LOC122539214: variants seen among roughly 807,000 people sequenced by gnomAD.
the LOC122539214 span, among the ~76,000 whole-genome samples, chr19:52,689,932 GGA>G: frequency 6.6e-6 from 1 of 152,218 alleles, no homozygotes; most frequent in Non-Finnish European, 1.5e-5. Flanking sequence ...TGACTGCGGA[GGA>G]GAGACCTGGG....
the LOC122539214 span, among the ~76,000 whole-genome samples, chr19:52,682,046 C>T: frequency 7.2e-5 from 11 of 152,200 alleles, no homozygotes; most frequent in African/African-American, 2.4e-4. Flanking sequence ...CGAGGTTTCA[C>T]CATCTTGGCC....
chr19:52,656,433 G>A, the LOC122539214 span, among the ~76,000 whole-genome samples: 2 of 152,152 alleles, frequency 1.3e-5, no homozygotes, highest in Non-Finnish European at 2.9e-5. Flanking sequence ...GCCGAGGCAG[G>A]GGAATTGCTT....
At chr19:52,658,940 T>C in the LOC122539214 span, among the ~76,000 whole-genome samples, 1 of 152,216 alleles carries the variant, frequency 6.6e-6, no homozygotes, top group Non-Finnish European at 1.5e-5. Context: ...CTGTTGTTAA[T>C]TCTATTCTAA....
the LOC122539214 span, among the ~76,000 whole-genome samples, chr19:52,689,696 T>C: frequency 6.6e-6 from 1 of 152,142 alleles, no homozygotes; most frequent in South Asian, 2.1e-4. Flanking sequence ...TACTTTGCCA[T>C]CTCTTATGGC....
the LOC122539214 span, among the ~76,000 whole-genome samples, chr19:52,682,661 C>A: frequency 6.6e-6 from 1 of 150,938 alleles, no homozygotes; most frequent in Non-Finnish European, 1.5e-5. Context: ...AAGCGAGACT[C>A]CATCTCAAAA....
the LOC122539214 span, among the ~76,000 whole-genome samples, chr19:52,653,691 A>G: frequency 0.53 from 80,299 of 152,028 alleles, 21,783 homozygotes; most frequent in East Asian, 0.71. Flanking sequence ...GGCGTGTAAG[A>G]GATGACTTGT....
At chr19:52,678,449 C>CAAAA in the LOC122539214 span, among the ~76,000 whole-genome samples, 1 of 109,692 alleles carries the variant, frequency 9.1e-6, no homozygotes, top group Non-Finnish European at 1.8e-5. Context: ...GACTTCATCT[C>CAAAA]AAAAAAAAAA....
the LOC122539214 span, among the ~76,000 whole-genome samples, chr19:52,676,042 G>GCTCTCCCTCTCC: frequency 5.2e-3 from 796 of 152,128 alleles, 3 homozygotes; most frequent in African/African-American, 0.018. Flanking sequence ...TACAGCTCTC[G>GCTCTCCCTCTCC]CTCTCCCTCT....
the LOC122539214 span, among the ~76,000 whole-genome samples, chr19:52,669,108 A>C: frequency 1.6e-4 from 24 of 152,238 alleles, no homozygotes; most frequent in Non-Finnish European, 3.1e-4. Flanking sequence ...TAGTGGTATT[A>C]TGGTGGACCT....
chr19:52,652,602 T>C, the LOC122539214 span: 1 of 441,062 alleles, frequency 2.3e-6, no homozygotes, highest in Non-Finnish European at 4.6e-6. Flanking sequence ...CTGCAAGCTA[T>C]GAACAATGTC....
At chr19:52,655,849 TTG>T in the LOC122539214 span, among the ~76,000 whole-genome samples, 17 of 152,234 alleles carry the variant, frequency 1.1e-4, no homozygotes, top group Non-Finnish European at 7.3e-5. Flanking sequence ...TTGCATTTTA[TTG>T]TACTTTCCCA....
At chr19:52,661,266 G>C in the LOC122539214 span, among the ~76,000 whole-genome samples, 1 of 152,164 alleles carries the variant, frequency 6.6e-6, no homozygotes, top group South Asian at 2.1e-4. Flanking sequence ...CACTGCACCA[G>C]AGATCATGCA....
chr19:52,676,614 G>A, the LOC122539214 span, among the ~76,000 whole-genome samples: 16 of 149,346 alleles, frequency 1.1e-4, no homozygotes, highest in South Asian at 4.2e-4. Context: ...CCACCACCCC[G>A]TCTGGGAGGT....
At chr19:52,675,516 C>G in the LOC122539214 span, among the ~76,000 whole-genome samples, 4 of 152,096 alleles carry the variant, frequency 2.6e-5, no homozygotes, top group Non-Finnish European at 5.9e-5. Flanking sequence ...CCTGCACACA[C>G]TGATTTAAGC....
the LOC122539214 span, chr19:52,652,895 A>C: frequency 9.2e-7 from 1 of 1,092,054 alleles, no homozygotes; most frequent in Non-Finnish European, 1.4e-6. Flanking sequence ...TTGCACTTGT[A>C]AGGTTTCTCT....
At chr19:52,656,243 C>T in the LOC122539214 span, among the ~76,000 whole-genome samples, 2 of 150,656 alleles carry the variant, frequency 1.3e-5, no homozygotes, top group African/African-American at 4.9e-5. Flanking sequence ...TATATATAGC[C>T]AGGCATGGGG....
the LOC122539214 span, among the ~76,000 whole-genome samples, chr19:52,673,142 G>A: frequency 4.3e-4 from 65 of 152,290 alleles, no homozygotes; most frequent in African/African-American, 1.5e-3. Flanking sequence ...CCAGGGAGCA[G>A]AGGTTGCAGT....
the LOC122539214 span, among the ~76,000 whole-genome samples, chr19:52,687,181 CA>C: frequency 0.015 from 1,571 of 104,312 alleles, 16 homozygotes; most frequent in Non-Finnish European, 0.023. Flanking sequence ...AACTCCATCT[CA>C]AAAAAAAAAA....
At chr19:52,652,725 G>A in the LOC122539214 span, 58 of 700,278 alleles carry the variant, frequency 8.3e-5, no homozygotes, top group African/African-American at 9.4e-4. Flanking sequence ...CATTACATTT[G>A]TAAAGTTTCC....
Sources: allele counts gnomAD v4.1 joint callset (sites outside exome capture counted in the v4.1 genomes callset), GRCh38; gene constraint gnomAD v4.1.1; transcripts MANE v1.5.